The following CDK14 variants were observed in gnomAD, a reference collection of about 807,000 sequenced individuals.
CDK14 encodes the protein cyclin dependent kinase 14.
Under a neutral mutation model 60.7 loss-of-function variants are expected in CDK14, and 34 were observed. That is an observed-to-expected ratio of 0.56 (90% confidence interval 0.43 to 0.75). CDK14 has a LOEUF of 0.75. Among genes scored for constraint, CDK14 ranks in the 30% least tolerant of loss-of-function variants. The pLI is 0.00. For missense variants in CDK14, 482 were observed against 564.1 expected (o/e 0.85, Z 1.47); for synonymous variants, 197 against 203.7 (o/e 0.97, Z 0.28).
intron 10 of CDK14, among the ~76,000 whole-genome samples, chr7:91,008,333 G>C (rs1005857422): frequency 6.6e-6 from 1 of 152,108 alleles, no homozygotes; most frequent in Non-Finnish European, 1.5e-5. Context: ...AGACAGGCAG[G>C]TGAGGAAAAT....
At chr7:90,801,585 A>G (rs1788631731) in intron 5 of CDK14, among the ~76,000 whole-genome samples, 1 of 152,188 alleles carries the variant, frequency 6.6e-6, no homozygotes, top group Non-Finnish European at 1.5e-5. Context: ...GTCTACTTCC[A>G]CAATTCTATA....
At chr7:90,898,764 A>G (rs779568868) in intron 6 of CDK14, among the ~76,000 whole-genome samples, 1 of 152,022 alleles carries the variant, frequency 6.6e-6, no homozygotes, top group Non-Finnish European at 1.5e-5. Context: ...CTGTTAATTT[A>G]TGAAGCATAT....
At chr7:91,067,564 C>A (rs546380554) in intron 11 of CDK14, among the ~76,000 whole-genome samples, 2 of 152,302 alleles carry the variant, frequency 1.3e-5, no homozygotes, top group East Asian at 3.9e-4. Flanking sequence ...GTTTTCAATG[C>A]CACCGAACTG....
chr7:90,955,923 G>GC, intron 9 of CDK14, 106 bp downstream of exon 9: 1 of 1,297,452 alleles, frequency 7.7e-7, no homozygotes, highest in South Asian at 1.3e-5. Flanking sequence ...TGGTGCAGGA[G>GC]TGTTTGCCTG....
intron 2 of CDK14, among the ~76,000 whole-genome samples, chr7:90,628,388 C>T (rs1361757688): frequency 1.3e-5 from 2 of 152,124 alleles, no homozygotes; most frequent in Non-Finnish European, 2.9e-5. Context: ...CAATCACTTC[C>T]AAGTGTTAAA....
chr7:90,806,482 A>G (rs1414576641), intron 5 of CDK14, among the ~76,000 whole-genome samples: 1 of 152,240 alleles, frequency 6.6e-6, no homozygotes, highest in African/African-American at 2.4e-5. Context: ...GCAAAGAAAT[A>G]TATGAATGGC....
chr7:90,873,274 A>T (rs1173975065), intron 6 of CDK14, among the ~76,000 whole-genome samples: 2 of 152,194 alleles, frequency 1.3e-5, no homozygotes, highest in African/African-American at 2.4e-5. Context: ...ATGATCAATA[A>T]TTCCAGTTAC....
intron 9 of CDK14, among the ~76,000 whole-genome samples, chr7:90,956,875 T>C (rs1268979759): frequency 1.3e-5 from 2 of 152,032 alleles, no homozygotes; most frequent in East Asian, 3.9e-4. Flanking sequence ...TTTGGTTTTT[T>C]GTTCTTGTGA....
At chr7:90,746,625 A>G (rs539595112) in intron 3 of CDK14, among the ~76,000 whole-genome samples, 6 of 152,314 alleles carry the variant, frequency 3.9e-5, no homozygotes, top group Admixed American at 3.3e-4. Flanking sequence ...TAGCAACAGT[A>G]TAATAATAGA....
chr7:90,764,481 A>G (rs559067678), intron 4 of CDK14, among the ~76,000 whole-genome samples: 42 of 152,298 alleles, frequency 2.8e-4, no homozygotes, highest in Admixed American at 7.8e-4. Context: ...GGCTCATACA[A>G]AGGAAGTATA....
chr7:91,151,316 A>G (rs1001333102), intron 14 of CDK14, among the ~76,000 whole-genome samples: 1 of 152,200 alleles, frequency 6.6e-6, no homozygotes, highest in Non-Finnish European at 1.5e-5. Flanking sequence ...CTCATTTCAA[A>G]TCATATCCCT....
At chr7:91,204,945 CAAAA>C (rs746772700) in intron 14 of CDK14, among the ~76,000 whole-genome samples, 1 of 113,608 alleles carries the variant, frequency 8.8e-6, no homozygotes. Context: ...AAGACCCAGT[CAAAA>C]AAAAAAAAAA....
chr7:91,087,423 C>T (rs1798671706), intron 12 of CDK14, among the ~76,000 whole-genome samples: 1 of 152,102 alleles, frequency 6.6e-6, no homozygotes, highest in African/African-American at 2.4e-5. Context: ...TGCTTGGAGC[C>T]AGCATCATCT....
chr7:91,068,457 C>T (rs1190001828), intron 11 of CDK14, among the ~76,000 whole-genome samples: 1 of 152,146 alleles, frequency 6.6e-6, no homozygotes, highest in Admixed American at 6.5e-5. Context: ...CTTTATATAC[C>T]TTCTGAATTA....
rs1801751140 is a variant in CDK14, at chr7:90,700,184, C to T, written c.124-26383C>T. Among the ~76,000 whole-genome samples, 4 of 152,290 alleles carry T rather than the reference C, an allele frequency of 2.6e-5. No homozygotes were observed. In the South Asian group the frequency reaches 8.3e-4, roughly 32 times the overall value. On this transcript the variant is annotated intron_variant, in intron 2 of 14. Transcript: ENST00000380050. ...TCTTGGCTCACTGCCACCACCGACT[C>T]CCTGGTTCAAGTGATTCTCCTGCCT...
chr7:91,156,057 T>C lies in CDK14; in HGVS notation c.*28+37849T>C, dbSNP rs538991117. Among the ~76,000 whole-genome samples, 3 of 152,334 alleles carry C rather than the reference T, an allele frequency of 2.0e-5. No individual in the cohort carries two copies. In the East Asian group the frequency reaches 5.8e-4, roughly 29 times the overall value. On this transcript the variant is annotated intron_variant, in intron 14 of 14. Coordinates refer to ENST00000380050, the MANE Select transcript of CDK14 (RefSeq NM_001287135.2). Reference sequence around the variant, plus strand: ...TTTCCCATAATCAGTTCGCTGTTATTACATTTTAAGGCCTAGCTTGTTGGC... The same window carrying C: ...TTTCCCATAATCAGTTCGCTGTTATCACATTTTAAGGCCTAGCTTGTTGGC...
chr7:90,982,097 T>C (rs1795243104), intron 9 of CDK14, among the ~76,000 whole-genome samples: 1 of 152,186 alleles, frequency 6.6e-6, no homozygotes, highest in Admixed American at 6.5e-5. Context: ...CAAGGTCTTT[T>C]GATTTACTGG....
intron 2 of CDK14, among the ~76,000 whole-genome samples, chr7:90,637,958 C>T (rs576485303): frequency 1.4e-5 from 2 of 143,496 alleles, no homozygotes; most frequent in South Asian, 4.7e-4. Flanking sequence ...GATTGCAACC[C>T]CTGCCTTTTT....
intron 3 of CDK14, among the ~76,000 whole-genome samples, chr7:90,730,851 C>T (rs903556314): frequency 3.9e-5 from 6 of 152,144 alleles, no homozygotes; most frequent in Admixed American, 6.5e-5. Context: ...GGAGCTCTTT[C>T]GTTTAATTAG....
Sources: allele counts gnomAD v4.1 joint callset (sites outside exome capture counted in the v4.1 genomes callset), GRCh38; gene constraint gnomAD v4.1.1; transcripts MANE v1.5; gene names NCBI Gene and HGNC (gene_info 2026-07-23, HGNC 2026-07-21).